IGSF11: variants seen among roughly 807,000 people sequenced by gnomAD.
IGSF11 encodes immunoglobulin superfamily member 11.
In IGSF11, 22 loss-of-function variants were observed where a neutral mutation model predicts 41.0. The observed-to-expected ratio is 0.54, with a 90% confidence interval of 0.38 to 0.77. The LOEUF is 0.77. Ranked by LOEUF, IGSF11 falls within the 30% of genes least tolerant of loss-of-function variation. The pLI, the probability that IGSF11 is intolerant of heterozygous loss-of-function variation, is 0.00. For synonymous variants in IGSF11, 219 were observed against 201.3 expected, an observed-to-expected ratio of 1.09 and a Z score of -0.74; for missense variants, 444 against 530.8, an observed-to-expected ratio of 0.84 and a Z score of 1.61.
rs1431501746 is a variant in IGSF11, at chr3:119,034,767, G to A, written c.-185C>T. ...ACGAGCCAAGTGCAGCTGCAGCGCC[G>A]CCCGGCTCCGCGGACGCTGAGCTGT... On this transcript the variant is annotated 5_prime_UTR_variant, in exon 1 of 7. Coordinates refer to ENST00000393775, the MANE Select transcript of IGSF11 (RefSeq NM_001015887.3). 8 of 1,308,398 alleles carry A rather than the reference G, an allele frequency of 6.1e-6. No homozygotes were observed. Among genetic ancestry groups the A allele is most frequent in the Admixed American group, 3.9e-5 (1 of 25,852 alleles). 81.0% of individuals were successfully genotyped at this position (1,308,398 alleles called of 1,614,324 possible).
intron 1 of IGSF11, among the ~76,000 whole-genome samples, chr3:118,954,621 A>G (rs1011234771): frequency 3.3e-5 from 5 of 152,248 alleles, no homozygotes; most frequent in East Asian, 1.9e-4. Context: ...GCCCTGATCC[A>G]TCAGAGGAAT....
At chr3:118,974,244 T>G (rs1454241197) in intron 1 of IGSF11, among the ~76,000 whole-genome samples, 3 of 152,254 alleles carry the variant, frequency 2.0e-5, no homozygotes, top group Non-Finnish European at 4.4e-5. Flanking sequence ...ATGTGAGCCT[T>G]TACTAAAAGT....
At chr3:119,014,659 T>C (rs970335803) in intron 1 of IGSF11, among the ~76,000 whole-genome samples, 5 of 152,250 alleles carry the variant, frequency 3.3e-5, no homozygotes, top group Non-Finnish European at 7.3e-5. Flanking sequence ...CTTTGCCACT[T>C]ACATGCTGTG....
At chr3:119,054,932 A>T (rs1176151963) in intron 1 of IGSF11, among the ~76,000 whole-genome samples, 1 of 152,176 alleles carries the variant, frequency 6.6e-6, no homozygotes, top group Non-Finnish European at 1.5e-5. Context: ...ACCCCCAAGT[A>T]CGGGCGGACT....
intron 1 of IGSF11, among the ~76,000 whole-genome samples, chr3:119,056,888 T>C (rs528563871): frequency 5.3e-5 from 8 of 152,286 alleles, no homozygotes; most frequent in African/African-American, 9.6e-5. Flanking sequence ...ATTATCTCAA[T>C]AGATGCAGAA....
chr3:118,990,509 T>C (rs947484944), intron 1 of IGSF11, among the ~76,000 whole-genome samples: 1 of 152,220 alleles, frequency 6.6e-6, no homozygotes, highest in African/African-American at 2.4e-5. Context: ...AACTGAGAGA[T>C]AGGAGATAGA....
chr3:119,004,474 CT>C (rs1937267167), intron 1 of IGSF11, among the ~76,000 whole-genome samples: 1 of 150,216 alleles, frequency 6.7e-6, no homozygotes, highest in African/African-American at 2.5e-5. Context: ...CAGTTCTGCT[CT>C]GATTTTAGTT....
chr3:119,029,121 G>A (rs1321985338), intron 1 of IGSF11, among the ~76,000 whole-genome samples: 2 of 151,110 alleles, frequency 1.3e-5, no homozygotes, highest in Admixed American at 1.3e-4. Flanking sequence ...TATCTACTGA[G>A]CATTACTATA....
At chr3:119,067,103 C>T (rs1360738136) in intron 1 of IGSF11, among the ~76,000 whole-genome samples, 2 of 152,082 alleles carry the variant, frequency 1.3e-5, no homozygotes, top group African/African-American at 4.8e-5. Context: ...AATCTAGTAG[C>T]TTTTTATTGT....
upstream of IGSF11, among the ~76,000 whole-genome samples, chr3:119,038,540 T>C (rs1027905261): frequency 1.3e-5 from 2 of 152,196 alleles, no homozygotes; most frequent in Non-Finnish European, 2.9e-5. Flanking sequence ...AGTTACTCTC[T>C]GAGCAGGGAA....
chr3:118,955,508 T>G (rs114936174), intron 1 of IGSF11, among the ~76,000 whole-genome samples: 2,980 of 152,214 alleles, frequency 0.02, 52 homozygotes, highest in Non-Finnish European at 0.03. Context: ...GAGATGAGGA[T>G]CCAGTTTCAT....
Position 119,062,812 on chromosome 3 carries a change from T to C in IGSF11, c.49+42332A>G, listed in dbSNP as rs139257879. Among the ~76,000 whole-genome samples, 80 of 152,192 alleles carry C rather than the reference T, an allele frequency of 5.3e-4. 1 individual carries two copies. In the East Asian group the frequency reaches 0.014, roughly 27 times the overall value. ...GATGCAAGAATGATATACAGGAACA[T>C]ATGCAGGCCATGATATACAGGAACC... is the stretch of plus-strand genomic sequence containing the variant. On this transcript the variant is annotated intron_variant, in intron 1 of 6. Coordinates refer to the IGSF11 transcript ENST00000354673.
chr3:118,998,212 T>C (rs1298813573), intron 1 of IGSF11, among the ~76,000 whole-genome samples: 1 of 152,294 alleles, frequency 6.6e-6, no homozygotes, highest in Non-Finnish European at 1.5e-5. Flanking sequence ...ATTATTCAGG[T>C]GATCAGAGGT....
intron 1 of IGSF11, among the ~76,000 whole-genome samples, chr3:118,953,107 C>A (rs1325032240): frequency 6.6e-6 from 1 of 152,000 alleles, no homozygotes; most frequent in African/African-American, 2.4e-5. Context: ...TACCTTTGAA[C>A]CCTCACAGCT....
intron 1 of IGSF11, among the ~76,000 whole-genome samples, chr3:118,964,309 C>T (rs1945529846): frequency 6.6e-6 from 1 of 152,066 alleles, no homozygotes; most frequent in Non-Finnish European, 1.5e-5. Context: ...TATATGTGTA[C>T]TAATCATAGC....
intron 1 of IGSF11, among the ~76,000 whole-genome samples, chr3:118,941,078 C>A (rs1433620388): frequency 6.6e-6 from 1 of 151,826 alleles, no homozygotes; most frequent in Admixed American, 6.6e-5. Context: ...GAATAGGATA[C>A]AAAATGCATT....
chr3:118,906,677 A>G (rs781494690), intron 4 of IGSF11, among the ~76,000 whole-genome samples: 104 of 152,316 alleles, frequency 6.8e-4, no homozygotes, highest in Non-Finnish European at 1.2e-3. Context: ...AAATGCTTCA[A>G]TAGTTCACAT....
Position 119,005,111 on chromosome 3 carries a change from G to A in IGSF11, c.52+29420C>T, listed in dbSNP as rs957825882. On this transcript the variant is annotated intron_variant, in intron 1 of 6. Transcript: ENST00000393775. ...GTTTGGGAGTCTAAGTCTCTTTGTAGGTCACTCAGGACTTGCTTTATGAAT... is the reference window on the plus strand; with the variant it reads ...GTTTGGGAGTCTAAGTCTCTTTGTAAGTCACTCAGGACTTGCTTTATGAAT... 1.2e-4 allele frequency among the ~76,000 whole-genome samples: 18 copies of A among 148,302 alleles called. 1 individual carries two copies. Among genetic ancestry groups the A allele is most frequent in the African/African-American group, 4.4e-4 (17 of 38,974 alleles).
intron 1 of IGSF11, among the ~76,000 whole-genome samples, chr3:119,047,317 G>A (rs997462267): frequency 2.6e-5 from 4 of 151,818 alleles, no homozygotes; most frequent in Non-Finnish European, 4.4e-5. Flanking sequence ...CCAAGCAAAT[G>A]GAAAACTAAA....
Sources: gnomAD v4.1 joint callset for allele counts (sites outside exome capture counted in the v4.1 genomes callset) on GRCh38, gnomAD v4.1.1 for gene constraint, MANE v1.5 for transcripts, NCBI Gene and HGNC (gene_info 2026-07-23, HGNC 2026-07-21) for gene names.